The following REPS2 variants were observed in gnomAD, a reference collection of about 807,000 sequenced individuals.
REPS2 encodes the protein ralBP1-associated Eps domain-containing protein 2.
Under a neutral mutation model 53.6 loss-of-function variants are expected in REPS2, and 23 were observed. That is an observed-to-expected ratio of 0.43 (90% confidence interval 0.31 to 0.61). The LOEUF (loss-of-function observed/expected upper bound fraction) is 0.61. Ranked by LOEUF, REPS2 falls within the 20% of genes least tolerant of loss-of-function variation. The probability of loss-of-function intolerance (pLI) is 0.11; values close to 1 mark genes in which losing one functional copy is unlikely to be tolerated. For missense variants in REPS2, 446 were observed against 534.9 expected, an observed-to-expected ratio of 0.83 and a Z score of 1.64; for synonymous variants, 238 against 218.6, an observed-to-expected ratio of 1.09 and a Z score of -0.78.
intron 5 of REPS2, among the ~76,000 whole-genome samples, chrX:17,043,504 G>GCC (rs9331473): frequency 9.7e-6 from 1 of 103,146 alleles, no homozygotes; most frequent in Non-Finnish European, 2.0e-5. Flanking sequence ...AGCCTTTCTT[G>GCC]CCCCCCCCCC....
At chrX:17,138,207 AGG>A (rs2063396602) in intron 16 of REPS2, 1 of 112,529 alleles carries the variant, frequency 8.9e-6, no homozygotes, top group Admixed American at 9.4e-5. Context: ...TGGGCGCAGT[AGG>A]ATGCGTGGTC....
chrX:17,053,268 G>T (rs1432418069), intron 7 of REPS2, among the ~76,000 whole-genome samples: 1 of 112,107 alleles, frequency 8.9e-6, no homozygotes, highest in East Asian at 2.8e-4. Flanking sequence ...GCATGTCAAT[G>T]TATCTGGGAT....
intron 1 of REPS2, among the ~76,000 whole-genome samples, chrX:16,969,199 AG>A (rs1196689882): frequency 9.3e-5 from 10 of 107,923 alleles, no homozygotes; most frequent in African/African-American, 3.4e-4. Context: ...CTCACTTCCT[AG>A]ATGGGATGGC....
At chrX:17,162,762 G>T in the REPS2 span, among the ~76,000 whole-genome samples, 2 of 112,105 alleles carry the variant, frequency 1.8e-5, no homozygotes, top group East Asian at 5.6e-4. Flanking sequence ...AGGAAATGAC[G>T]GTACAATTAT....
At chrX:16,979,008 C>G (rs1000425773) in intron 1 of REPS2, among the ~76,000 whole-genome samples, 1 of 111,895 alleles carries the variant, frequency 8.9e-6, no homozygotes, top group African/African-American at 3.2e-5. Flanking sequence ...AATGAATGAT[C>G]CATTTTTAAT....
intron 8 of REPS2, among the ~76,000 whole-genome samples, chrX:17,060,951 G>T (rs189980022): frequency 1.1e-4 from 12 of 111,524 alleles, no homozygotes; most frequent in Non-Finnish European, 2.1e-4. Context: ...CAGGAGCAGC[G>T]GGGTGCTTGC....
At chrX:16,963,436 G>C (rs902578518) in intron 1 of REPS2, among the ~76,000 whole-genome samples, 1 of 112,865 alleles carries the variant, frequency 8.9e-6, no homozygotes, top group Admixed American at 9.3e-5. Flanking sequence ...CTTTGTGTTT[G>C]AGAATGATGT....
chrX:17,051,669 G>A (rs1418914160), intron 6 of REPS2, among the ~76,000 whole-genome samples: 2 of 112,231 alleles, frequency 1.8e-5, no homozygotes, highest in African/African-American at 6.5e-5. Flanking sequence ...CAGTTTTTAT[G>A]TGAACATATA....
chrX:17,040,111 A>G (rs942051742), intron 5 of REPS2, among the ~76,000 whole-genome samples: 1 of 112,774 alleles, frequency 8.9e-6, no homozygotes, highest in African/African-American at 3.2e-5. Context: ...GAAGAAACAG[A>G]TAAGGTTAAA....
intron 16 of REPS2, chrX:17,135,622 C>A: frequency 2.8e-6 from 1 of 354,238 alleles, no homozygotes; most frequent in Non-Finnish European, 4.7e-6. Flanking sequence ...CAGGCGAGTC[C>A]TAGGCTGTGG....
At position 17,151,946 on chromosome X, in the gene REPS2, T is replaced by C. The variant is rs1289678821; in HGVS notation, c.*4465T>C. Reference sequence around the variant, plus strand: ...GAAGTGGGGATTTGTGTTTTTGGAGTCCTCAGCTCACATGTCTTGTTCCTC... The same window carrying C: ...GAAGTGGGGATTTGTGTTTTTGGAGCCCTCAGCTCACATGTCTTGTTCCTC... On this transcript the variant is annotated 3_prime_UTR_variant, in exon 18 of 18. Coordinates refer to ENST00000357277, the MANE Select transcript of REPS2 (RefSeq NM_004726.3). The C allele has an allele frequency of 9.2e-6, 1 of 109,152 alleles. No homozygotes were observed. The highest frequency in any genetic ancestry group is 1.9e-5 in the Non-Finnish European group (1 of 52,499). 9.0% of individuals were successfully genotyped at this position (109,152 alleles called of 1,213,427 possible).
intron 4 of REPS2, among the ~76,000 whole-genome samples, chrX:17,026,749 A>T (rs1047571624): frequency 4.5e-5 from 5 of 111,084 alleles, no homozygotes; most frequent in Admixed American, 9.6e-5. Flanking sequence ...ATACTTTTTT[A>T]AAAGTGAGGT....
chrX:16,954,805 C>CTT (rs58924467), intron 1 of REPS2, among the ~76,000 whole-genome samples: 17,712 of 59,342 alleles, frequency 0.3, 3,050 homozygotes, highest in Non-Finnish European at 0.43. Flanking sequence ...TTATTTATAA[C>CTT]TTTTTTTTTT....
intron 14 of REPS2, among the ~76,000 whole-genome samples, chrX:17,121,060 T>C (rs1044567322): frequency 8.9e-6 from 1 of 112,017 alleles, no homozygotes; most frequent in Non-Finnish European, 1.9e-5. Context: ...TTTCAGACTT[T>C]ACTAGCAAAA....
intron 4 of REPS2, among the ~76,000 whole-genome samples, chrX:17,026,002 TA>T (rs1352451182): frequency 1.8e-5 from 2 of 112,087 alleles, no homozygotes; most frequent in African/African-American, 6.5e-5. Context: ...TTTACTGCAT[TA>T]AAAATAGTGG....
chrX:17,080,305 C>T (rs1569164838), intron 13 of REPS2, among the ~76,000 whole-genome samples: 1 of 98,367 alleles, frequency 1.0e-5, no homozygotes, highest in Non-Finnish European at 2.0e-5. Context: ...TGCAAACAAA[C>T]CTCTCTCTCT....
intron 13 of REPS2, among the ~76,000 whole-genome samples, chrX:17,094,712 T>C (rs758986245): frequency 4.6e-4 from 51 of 111,965 alleles, no homozygotes; most frequent in African/African-American, 1.5e-3. Flanking sequence ...GTAAATAGCA[T>C]CCCATTATTT....
intron 1 of REPS2, among the ~76,000 whole-genome samples, chrX:16,996,331 G>A (rs948040420): frequency 3.6e-5 from 4 of 111,896 alleles, no homozygotes; most frequent in East Asian, 2.8e-4. Context: ...CTGGTTAGTC[G>A]AGGCAGAGCC....
At chrX:17,087,302 A>T (rs1028102878) in intron 13 of REPS2, among the ~76,000 whole-genome samples, 46 of 111,969 alleles carry the variant, frequency 4.1e-4, no homozygotes, top group Non-Finnish European at 4.5e-4. Flanking sequence ...TTCTGGTGGA[A>T]CTGAACCCGA....
Sources: gnomAD v4.1 joint callset for allele counts (sites outside exome capture counted in the v4.1 genomes callset) on GRCh38, gnomAD v4.1.1 for gene constraint, MANE v1.5 for transcripts, NCBI Gene and HGNC (gene_info 2026-07-23, HGNC 2026-07-21) for gene names.